The following AKR1D1 variants were observed in gnomAD, a reference collection of about 807,000 sequenced individuals.
AKR1D1 encodes the protein aldo-keto reductase family 1 member D1, also known as delta(4)-3-ketosteroid 5-beta-reductase.
A neutral mutation model predicts 42.6 loss-of-function variants in AKR1D1; 32 were observed. That is an observed-to-expected ratio of 0.75 (90% CI 0.57 to 1.01). AKR1D1 has a LOEUF of 1.01. Among genes scored for constraint, AKR1D1 ranks in the 50% least tolerant of loss-of-function variants. The probability of loss-of-function intolerance (pLI) is 0.00; values close to 1 mark genes in which losing one functional copy is unlikely to be tolerated. For missense variants in AKR1D1, 364 were observed against 402.2 expected (o/e 0.91, Z 0.81); for synonymous variants, 123 against 135.5 (o/e 0.91, Z 0.64).
chr7:138,093,668 A>G (rs1794130976), intron 3 of AKR1D1, among the ~76,000 whole-genome samples: 1 of 151,690 alleles, frequency 6.6e-6, no homozygotes, highest in African/African-American at 2.4e-5. Flanking sequence ...TTTACACTTA[A>G]CATTTTTTAA....
intron 1 of AKR1D1, among the ~76,000 whole-genome samples, chr7:138,087,615 G>T (rs549807345): frequency 1.3e-5 from 2 of 151,970 alleles, no homozygotes; most frequent in Non-Finnish European, 2.9e-5. Flanking sequence ...ACATCTGTGA[G>T]GCCATCACCA....
intron 4 of AKR1D1, among the ~76,000 whole-genome samples, chr7:138,099,472 T>TA (rs1471342672): frequency 6.6e-6 from 1 of 151,876 alleles, no homozygotes; most frequent in Non-Finnish European, 1.5e-5. Context: ...AACAACATTT[T>TA]AAAAAACAAG....
chr7:138,106,560 A>T, intron 5 of AKR1D1, 48 bp from the exon 6 acceptor site: 1 of 1,446,576 alleles, frequency 6.9e-7, no homozygotes. Context: ...ATTGCATTCA[A>T]CAACGTGGCC....
chr7:138,105,895 C>A (rs1193561333), intron 5 of AKR1D1, among the ~76,000 whole-genome samples: 1 of 142,050 alleles, frequency 7.0e-6, no homozygotes, highest in Non-Finnish European at 1.5e-5. Context: ...ACAACAACAA[C>A]AACAACAAAA....
intron 3 of AKR1D1, among the ~76,000 whole-genome samples, chr7:138,095,335 T>C (rs2117441380): frequency 6.6e-6 from 1 of 152,270 alleles, no homozygotes; most frequent in African/African-American, 2.4e-5. Flanking sequence ...ACAGAATGGA[T>C]AATTAACATG....
At position 138,108,228 on chromosome 7, in the gene AKR1D1, G is replaced by T. The variant is rs1289669212; in HGVS notation, c.855+648G>T. 2.0e-5 allele frequency among the ~76,000 whole-genome samples: 3 copies of T among 152,206 alleles called. No homozygotes were observed. In the South Asian group the frequency reaches 6.2e-4, roughly 32 times the overall value. On this transcript the variant is annotated intron_variant, in intron 7 of 8. Coordinates refer to ENST00000242375, the MANE Select transcript of AKR1D1 (RefSeq NM_005989.4). ...ACGTTGTAACTTCCAAGTGAAGAAA[G>T]AACTAGACAAAGGGGTAATTCATTT...
At chr7:138,076,632 TTTGC>T (rs771432374) in intron 1 of AKR1D1, 21 bp downstream of exon 1, 31 of 1,577,630 alleles carry the variant, frequency 2.0e-5, no homozygotes, top group Admixed American at 3.3e-5. Flanking sequence ...TTTTTCTCTC[TTTGC>T]TTGCTTGTTT....
intron 1 of AKR1D1, among the ~76,000 whole-genome samples, chr7:138,077,566 C>G (rs957171970): frequency 6.6e-6 from 1 of 152,148 alleles, no homozygotes; most frequent in Non-Finnish European, 1.5e-5. Flanking sequence ...TTAAATTTGA[C>G]CATGAAGATT....
At chr7:138,087,510 C>T (rs1237461096) in intron 1 of AKR1D1, among the ~76,000 whole-genome samples, 1 of 152,174 alleles carries the variant, frequency 6.6e-6, no homozygotes, top group Non-Finnish European at 1.5e-5. Flanking sequence ...AAATGTTCCT[C>T]AACAATATTT....
chr7:138,114,952 A>T (rs1585745068), intron 8 of AKR1D1, among the ~76,000 whole-genome samples: 1 of 152,196 alleles, frequency 6.6e-6, no homozygotes, highest in East Asian at 1.9e-4. Flanking sequence ...TGAATTTCTG[A>T]ATTAATAAAA....
chr7:138,109,113 A>G (rs2117467388), intron 7 of AKR1D1, among the ~76,000 whole-genome samples: 1 of 152,360 alleles, frequency 6.6e-6, no homozygotes, highest in Admixed American at 6.5e-5. Context: ...AAGCTATGAC[A>G]TATTTGTACA....
intron 4 of AKR1D1, among the ~76,000 whole-genome samples, chr7:138,102,849 C>T (rs113688913): frequency 0.041 from 6,246 of 152,034 alleles, 194 homozygotes; most frequent in Middle Eastern, 0.079. Flanking sequence ...TCAGTGATGT[C>T]GGGTTGTTAG....
At chr7:138,114,093 C>A (rs1013924591) in intron 8 of AKR1D1, among the ~76,000 whole-genome samples, 1 of 152,070 alleles carries the variant, frequency 6.6e-6, no homozygotes, top group Non-Finnish European at 1.5e-5. Context: ...AATGTTGAAA[C>A]AACTTATTTA....
intron 1 of AKR1D1, among the ~76,000 whole-genome samples, chr7:138,082,670 T>G (rs1345948382): frequency 6.6e-6 from 1 of 152,198 alleles, no homozygotes; most frequent in African/African-American, 2.4e-5. Context: ...ATTATAGGCA[T>G]GAGCCACCAT....
intron 8 of AKR1D1, among the ~76,000 whole-genome samples, chr7:138,114,425 T>A (rs1240622079): frequency 1.3e-5 from 2 of 152,110 alleles, no homozygotes; most frequent in Non-Finnish European, 2.9e-5. Flanking sequence ...TTTGGGAGGC[T>A]AAGGTGGGCG....
rs146708783 is a variant in AKR1D1, at chr7:138,088,731, G to A, written c.224G>A (p.Gly75Glu). 6.2e-7 allele frequency: 1 copy of A among 1,610,648 alleles called. No individual in the cohort carries two copies. The change falls in exon 2 of 9, where the codon GGA becomes GAA. Residue 75 changes from glycine to glutamate, a missense_variant. Gly to Glu is a moderately conservative substitution (Grantham distance 98). Coordinates refer to ENST00000242375, the MANE Select transcript of AKR1D1 (RefSeq NM_005989.4). Reference sequence around the variant, plus strand: ...GCCATCAGGGAGAAGATAGCAGAAGGAAAGGTGCGGAGGGAAGATATCTTC... The same window carrying A: ...GCCATCAGGGAGAAGATAGCAGAAGAAAAGGTGCGGAGGGAAGATATCTTC... ...GEAIREKIAEGKVRREDIFYC... is the reference protein window; with the variant it reads ...GEAIREKIAEEKVRREDIFYC...
chr7:138,103,120 A>G (rs916235156), intron 4 of AKR1D1, among the ~76,000 whole-genome samples: 9 of 151,956 alleles, frequency 5.9e-5, no homozygotes, highest in African/African-American at 2.2e-4. Context: ...TGCATGATAA[A>G]AAGTTGCACA....
At chr7:138,094,977 G>A (rs1794156935) in intron 3 of AKR1D1, among the ~76,000 whole-genome samples, 1 of 152,190 alleles carries the variant, frequency 6.6e-6, no homozygotes, top group South Asian at 2.1e-4. Flanking sequence ...GAACAAGAAT[G>A]AGAGTCAATA....
chr7:138,080,101 G>A (rs1423752523), intron 1 of AKR1D1, among the ~76,000 whole-genome samples: 2 of 152,226 alleles, frequency 1.3e-5, no homozygotes, highest in Non-Finnish European at 2.9e-5. Flanking sequence ...AGTACTGCAA[G>A]TATGGAATAT....
Sources: allele counts gnomAD v4.1 joint callset (sites outside exome capture counted in the v4.1 genomes callset), GRCh38; gene constraint gnomAD v4.1.1; transcripts MANE v1.5; gene names NCBI Gene and HGNC (gene_info 2026-07-23, HGNC 2026-07-21).